Variants in USP43 observed in about 807,000 individuals in gnomAD.
USP43 encodes the protein ubiquitin carboxyl-terminal hydrolase 43.
In USP43, 33 loss-of-function variants were observed where a neutral mutation model predicts 90.7. That is an observed-to-expected ratio of 0.36 (90% confidence interval 0.28 to 0.49). USP43 has a LOEUF of 0.49. Among genes scored for constraint, USP43 ranks in the 20% least tolerant of loss-of-function variants. USP43 has a pLI of 0.98. For missense variants in USP43, 1,274 were observed against 1,476.4 expected (o/e 0.86, Z 2.25); for synonymous variants, 598 against 615.8 (o/e 0.97, Z 0.43).
At chr17:9,671,639 G>A (rs918394161) in intron 3 of USP43, among the ~76,000 whole-genome samples, 1 of 152,208 alleles carries the variant, frequency 6.6e-6, no homozygotes, top group South Asian at 2.1e-4. Context: ...TTTGTTAACA[G>A]AAGCAATTTG....
At chr17:9,698,937 C>A (rs1237817323) in intron 9 of USP43, among the ~76,000 whole-genome samples, 1 of 152,220 alleles carries the variant, frequency 6.6e-6, no homozygotes, top group Non-Finnish European at 1.5e-5. Flanking sequence ...CAGATCTCCC[C>A]AATGGCAGGT....
At chr17:9,726,494 G>GGCAC (rs1917279428) in intron 14 of USP43, among the ~76,000 whole-genome samples, 1 of 152,210 alleles carries the variant, frequency 6.6e-6, no homozygotes, top group Non-Finnish European at 1.5e-5. Flanking sequence ...GTGCCAGCAT[G>GGCAC]ATGGGGCCCT....
chr17:9,657,840 GGACACA>G (rs1166274190), intron 2 of USP43, among the ~76,000 whole-genome samples: 8 of 152,068 alleles, frequency 5.3e-5, no homozygotes, highest in African/African-American at 1.9e-4. Flanking sequence ...ATTTGGGTGG[GGACACA>G]GAGCCAAACC....
At position 9,728,679 on chromosome 17, in the gene USP43, C is replaced by T; in HGVS notation, c.3061C>T (p.Pro1021Ser). ...NERAEVSPQV[P>S]PVSLVSGGLS... ...GAGGGCAGAGGTCTCTCCACAGGTG[C>T]CCCCCGTCTCCCTGGTGAGTGGCGG... The change falls in exon 15 of 15, where the codon CCC becomes TCC. Residue 1021 changes from proline to serine, a missense_variant. Pro to Ser is a moderately conservative substitution (Grantham distance 74, BLOSUM62 -1). Transcript: ENST00000285199. This position sits in a 1 kb window ranked among gnomAD's most constrained non-coding sequence, Gnocchi z 6.2. 14 of 1,612,230 alleles carry T rather than the reference C, an allele frequency of 8.7e-6. No individual in the cohort carries two copies. The highest frequency in any genetic ancestry group is 9.3e-6 in the Non-Finnish European group (11 of 1,179,232).
At chr17:9,684,402 A>C (rs1914472535) in intron 7 of USP43, among the ~76,000 whole-genome samples, 1 of 152,178 alleles carries the variant, frequency 6.6e-6, no homozygotes, top group South Asian at 2.1e-4. Context: ...AAGGAGATAA[A>C]TACCCTTGGT....
chr17:9,718,823 A>T (rs1368755716), intron 14 of USP43, among the ~76,000 whole-genome samples: 1 of 151,990 alleles, frequency 6.6e-6, no homozygotes, highest in Non-Finnish European at 1.5e-5. Context: ...CTGGGCAACA[A>T]GAGCAAAACT....
chr17:9,720,352 A>G (rs1041723971), intron 14 of USP43, among the ~76,000 whole-genome samples: 1 of 148,870 alleles, frequency 6.7e-6, no homozygotes, highest in African/African-American at 2.5e-5. Flanking sequence ...AAAGAAAGAA[A>G]AGAAAAATCC....
At position 9,710,039 on chromosome 17, in the gene USP43, A is replaced by G; in HGVS notation, c.2095A>G (p.Thr699Ala). 6.3e-7 allele frequency: 1 copy of G among 1,576,090 alleles called. No individual in the cohort carries two copies. The highest frequency in any genetic ancestry group is 8.6e-7 in the Non-Finnish European group (1 of 1,161,008). Reference sequence around the variant, plus strand: ...ACCGCTTCGAGAAGATGAGGTCAACACCAGAGGGGCTTATATCCTGTTCTA... The same window carrying G: ...ACCGCTTCGAGAAGATGAGGTCAACGCCAGAGGGGCTTATATCCTGTTCTA... The part of the protein sequence containing the change: ...VEPLREDEVN[T>A]RGAYILFYQK... The change falls in exon 13 of 15, where the codon ACC becomes GCC. Residue 699 changes from threonine (T) to alanine (A), a missense_variant. Physicochemically the swap from Thr to Ala is moderately conservative, Grantham distance 58. Transcript: ENST00000285199.
In USP43 at chr17:9,727,990, A is replaced by G. The variant is rs1229509770; in HGVS notation, c.2372A>G (p.Lys791Arg). Reference protein sequence around the residue: ...LEPRRLVRGVKGRSISMKAPT... With the variant: ...LEPRRLVRGVRGRSISMKAPT... ...CCCAGGCGTTTGGTACGGGGCGTGA[A>G]AGGCAGAAGCATTAGCATGAAGGCA... Residue 791 changes from lysine (K) to arginine (R), a missense_variant, in exon 15 of 15, where the codon AAA (lysine) becomes AGA (arginine). Lys to Arg is a conservative substitution (Grantham distance 26). This residue lies in a region of USP43 where 285 missense variants were observed against 349.6 expected (regional missense o/e 0.82). Coordinates refer to ENST00000285199, the MANE Select transcript of USP43 (RefSeq NM_153210.5). 6.2e-7 allele frequency: 1 copy of G among 1,611,102 alleles called. No individual in the cohort carries two copies. Among genetic ancestry groups the G allele is most frequent in the East Asian group, 2.2e-5 (1 of 44,752 alleles).
Position 9,701,602 on chromosome 17 carries a change from A to T in USP43, c.1913A>T (p.Gln638Leu). The change falls in exon 12 of 15, where the codon CAG becomes CTG. Residue 638 changes from glutamine to leucine, a missense_variant. Transcript: ENST00000285199. The surrounding 1 kb of genome is among the most constrained non-coding windows in gnomAD (Gnocchi z 7.2). ...CTGGGCCCCTGGCCTTCCTGGAAGC[A>T]GCCGGACTGCCTGCCCACCAGTTAC... Reference protein sequence around the residue: ...AGLGPWPSWKQPDCLPTSYPL... With the variant: ...AGLGPWPSWKLPDCLPTSYPL... 1 of 1,581,106 alleles carries T rather than the reference A, an allele frequency of 6.3e-7. No individual in the cohort carries two copies. The highest frequency in any genetic ancestry group is 8.6e-7 in the Non-Finnish European group (1 of 1,164,384).
intron 14 of USP43, among the ~76,000 whole-genome samples, chr17:9,713,807 A>G (rs1473729640): frequency 6.6e-6 from 1 of 152,220 alleles, no homozygotes; most frequent in Non-Finnish European, 1.5e-5. Flanking sequence ...ATTGCTGCAC[A>G]GTTAATGAGG....
Position 9,717,360 on chromosome 17 carries a change from A to AGTGTGTGTGTGT in USP43, c.2335+5249_2335+5260dup, listed in dbSNP as rs56058514. Among the ~76,000 whole-genome samples the AGTGTGTGTGTGT allele has an allele frequency of 2.9e-3, 423 of 145,660 alleles. 1 individual carries two copies. Among genetic ancestry groups the AGTGTGTGTGTGT allele is most frequent in the African/African-American group, 0.01 (410 of 39,592 alleles). On this transcript the variant is annotated intron_variant, in intron 14 of 14. Transcript: ENST00000285199. Reference sequence around the variant, plus strand: ...CTTAGGAGTGGAATTGCTTGGGCACAGTGTGTGTGTGTGTGTGTGTGTGTG... The same window carrying AGTGTGTGTGTGT: ...CTTAGGAGTGGAATTGCTTGGGCACAGTGTGTGTGTGTGTGTGTGTGTGTGTGTGTGTGTGTG...
Position 9,728,068 on chromosome 17 carries a change from G to A in USP43, c.2450G>A (p.Trp817Ter), listed in dbSNP as rs772666473. 6.2e-7 allele frequency: 1 copy of A among 1,613,912 alleles called. No individual in the cohort carries two copies. The highest frequency in any genetic ancestry group is 8.5e-7 in the Non-Finnish European group (1 of 1,179,876). The change falls in exon 15 of 15, where the codon TGG (tryptophan) becomes TAG (stop). Residue 817 changes from tryptophan to a stop codon, truncating the protein, a stop_gained. Transcript: ENST00000285199. LOFTEE classifies it low-confidence loss of function (END_TRUNC). The surrounding 1 kb of genome is among the most constrained non-coding windows in gnomAD (Gnocchi z 6.2). ...CCATTCAAGACCATGCCTCTGCGGT[G>A]GTCCTTTGGATCCAAGGAGAAACCA... ...QGPFKTMPLR[W>*]SFGSKEKPPG...
intron 9 of USP43, among the ~76,000 whole-genome samples, chr17:9,697,571 G>A (rs1267749404): frequency 6.6e-6 from 1 of 152,014 alleles, no homozygotes; most frequent in Non-Finnish European, 1.5e-5. Context: ...ACTTATAAAT[G>A]AGGACATGTG....
chr17:9,654,641 C>T (rs1912106827), intron 1 of USP43, among the ~76,000 whole-genome samples: 1 of 142,596 alleles, frequency 7.0e-6, no homozygotes, highest in African/African-American at 2.6e-5. Flanking sequence ...AAGAGTGAAA[C>T]ACTGTCTTAA....
At chr17:9,672,078 C>A (rs1913472861) in intron 3 of USP43, among the ~76,000 whole-genome samples, 1 of 152,140 alleles carries the variant, frequency 6.6e-6, no homozygotes, top group Non-Finnish European at 1.5e-5. Context: ...CTCACTGCAA[C>A]CTCCGCCTCC....
chr17:9,686,679 G>T lies in USP43; in HGVS notation c.1242-119G>T. 1.3e-6 allele frequency: 1 copy of T among 774,196 alleles called. No individual in the cohort carries two copies. Among genetic ancestry groups the T allele is most frequent in the Non-Finnish European group, 2.1e-6 (1 of 480,606 alleles). The allele number at this position is 774,196 out of a possible 1,614,324, so 48.0% of individuals were successfully genotyped here. On this transcript the variant is annotated intron_variant, in intron 7 of 14. Coordinates refer to ENST00000285199, the MANE Select transcript of USP43 (RefSeq NM_153210.5). This position sits in a 1 kb window ranked among gnomAD's most constrained non-coding sequence, Gnocchi z 5.5. The stretch of plus-strand genomic sequence containing the variant: ...GTTTTTTTTGCTGTTGAGTTTTTGT[G>T]CTTAGCTCTTGTCACTTATCCTATT...
rs755498585 is a variant in USP43 at position 9,701,326 on chromosome 17, C to T, written c.1663-26C>T. The T allele has an allele frequency of 1.1e-5, 17 of 1,587,522 alleles. No individual in the cohort carries two copies. Among genetic ancestry groups the T allele is most frequent in the Non-Finnish European group, 1.3e-5 (15 of 1,166,136 alleles). On this transcript the variant is annotated intron_variant, in intron 11 of 14. Coordinates refer to ENST00000285199, the MANE Select transcript of USP43 (RefSeq NM_153210.5). The surrounding 1 kb of genome is among the most constrained non-coding windows in gnomAD (Gnocchi z 7.2). Reference sequence around the variant, plus strand: ...GGTTGGCCACGTGCTGCGGGGGCCTCACAGTCCGGGTGGTTTGCTTTCCAG... The same window carrying T: ...GGTTGGCCACGTGCTGCGGGGGCCTTACAGTCCGGGTGGTTTGCTTTCCAG...
intron 3 of USP43, among the ~76,000 whole-genome samples, chr17:9,671,430 A>G (rs949982138): frequency 3.9e-5 from 6 of 152,190 alleles, no homozygotes; most frequent in African/African-American, 1.4e-4. Flanking sequence ...TGTTGTTTGC[A>G]TAGACGTCAG....
Sources: allele counts gnomAD v4.1 joint callset (sites outside exome capture counted in the v4.1 genomes callset), GRCh38; gene constraint gnomAD v4.1.1; regional missense constraint gnomAD v4.1.1; non-coding constraint Gnocchi (gnomAD v3.1); transcripts MANE v1.5; gene names NCBI Gene and HGNC (gene_info 2026-07-23, HGNC 2026-07-21).